Variants in ANK2 observed in about 807,000 individuals in gnomAD.
The protein encoded by ANK2 is ankyrin 2, also known as ankyrin-2.
ANK2 carries 83 observed loss-of-function variants against 360.5 expected under a neutral mutation model. The ratio of observed to expected loss-of-function variants is 0.23; its 90% confidence interval spans 0.19 to 0.28. The LOEUF is 0.28. ANK2 is among the 10% of genes least tolerant of loss of function. The pLI is 1.00. For synonymous variants in ANK2, 1,740 were observed against 1,759.5 expected (o/e 0.99, Z 0.28); for missense variants, 4,201 against 4,795.7 (o/e 0.88, Z 3.66).
At chr4:113,065,782 G>T (rs892076323) in intron 1 of ANK2, among the ~76,000 whole-genome samples, 13 of 152,112 alleles carry the variant, frequency 8.5e-5, no homozygotes, top group African/African-American at 2.7e-4. Flanking sequence ...CATCAAGTGG[G>T]GTACTGAGCT....
chr4:113,274,353 A>C, intron 14 of ANK2, 99 bp from the exon 15 acceptor site: 1 of 1,349,658 alleles, frequency 7.4e-7, no homozygotes, highest in Non-Finnish European at 1.1e-6. Context: ...TGGGGTTCCT[A>C]GAGATTCCAA....
chr4:113,064,179 A>T (rs1554086086), intron 1 of ANK2, among the ~76,000 whole-genome samples: 1 of 152,036 alleles, frequency 6.6e-6, no homozygotes, highest in Non-Finnish European at 1.5e-5. Context: ...TAGTAGAGAA[A>T]TTTTTCCTCA....
In ANK2 at chr4:113,358,367, C is replaced by A; in HGVS notation, c.9749C>A (p.Pro3250Gln). 3 of 1,614,096 alleles carry A rather than the reference C, an allele frequency of 1.9e-6. No homozygotes were observed. The highest frequency in any genetic ancestry group is 2.5e-6 in the Non-Finnish European group (3 of 1,179,970). Reference protein sequence around the residue: ...KQISCPDSSEPAVQVQLDFST... With the variant: ...KQISCPDSSEQAVQVQLDFST... ...ATATCCTGCCCCGACTCTTCTGAAC[C>A]AGCTGTACAAGTCCAGTTAGATTTT... Residue 3250 changes from proline (P) to glutamine (Q), a missense_variant, in exon 38 of 46, where the codon CCA becomes CAA. Physicochemically the swap from Pro to Gln is moderately conservative, Grantham distance 76 (BLOSUM62 -1). This residue lies in a region of ANK2 where 2,642 missense variants were observed against 2,714.5 expected (regional missense o/e 0.97). Transcript: ENST00000357077.
At chr4:113,071,791 A>G (rs639486) in intron 1 of ANK2, 2,899 of 152,902 alleles carry the variant, frequency 0.019, 84 homozygotes, top group African/African-American at 0.066. Flanking sequence ...ATAAAGACAT[A>G]CCCGAGACTG....
intron 2 of ANK2, among the ~76,000 whole-genome samples, chr4:112,968,375 A>C (rs13146876): frequency 0.34 from 52,062 of 151,836 alleles, 9,732 homozygotes; most frequent in African/African-American, 0.5. Flanking sequence ...ATCTCATCTC[A>C]CCTATGCCAC....
intron 2 of ANK2, among the ~76,000 whole-genome samples, chr4:112,950,830 C>A (rs1258747604): frequency 5.3e-5 from 8 of 150,582 alleles, no homozygotes; most frequent in Non-Finnish European, 8.9e-5. Flanking sequence ...CGCCTGTAAT[C>A]CCAGCACTTT....
chr4:112,831,825 G>A (rs2059810917), intron 1 of ANK2, among the ~76,000 whole-genome samples: 1 of 152,110 alleles, frequency 6.6e-6, no homozygotes, highest in African/African-American at 2.4e-5. Flanking sequence ...GAACTCACTG[G>A]GAGGAATGAA....
chr4:113,176,594 A>G (rs1203105679), intron 2 of ANK2, among the ~76,000 whole-genome samples: 1 of 151,962 alleles, frequency 6.6e-6, no homozygotes, highest in Non-Finnish European at 1.5e-5. Flanking sequence ...ATGAAGTTGA[A>G]TATGAAATAT....
At chr4:112,866,749 A>G (rs2070720178) in intron 1 of ANK2, among the ~76,000 whole-genome samples, 1 of 152,020 alleles carries the variant, frequency 6.6e-6, no homozygotes. Context: ...ATTTTTTCTT[A>G]GAAGTGATTT....
intron 1 of ANK2, among the ~76,000 whole-genome samples, chr4:113,103,329 T>G (rs1011169795): frequency 6.6e-6 from 1 of 152,158 alleles, no homozygotes; most frequent in South Asian, 2.1e-4. Flanking sequence ...AAGAAAAGCC[T>G]TGGCATTAAA....
At chr4:112,891,182 C>G (rs2079921770) in intron 1 of ANK2, among the ~76,000 whole-genome samples, 1 of 152,184 alleles carries the variant, frequency 6.6e-6, no homozygotes, top group Admixed American at 6.5e-5. Context: ...TGCCACGTAA[C>G]TAGCAGTAGC....
intron 1 of ANK2, among the ~76,000 whole-genome samples, chr4:112,895,079 C>G (rs1392577284): frequency 6.6e-6 from 1 of 152,200 alleles, no homozygotes; most frequent in African/African-American, 2.4e-5. Flanking sequence ...AGAGATGAAG[C>G]ACCAATGTGC....
chr4:113,156,999 T>G (rs1288055820), intron 1 of ANK2, among the ~76,000 whole-genome samples: 1 of 151,976 alleles, frequency 6.6e-6, no homozygotes, highest in Non-Finnish European at 1.5e-5. Context: ...TGAAAGGGCA[T>G]AGACATTTTG....
chr4:112,877,104 A>T (rs1295817461), intron 1 of ANK2, among the ~76,000 whole-genome samples: 1 of 152,078 alleles, frequency 6.6e-6, no homozygotes, highest in East Asian at 1.9e-4. Context: ...AGTTTCAGGG[A>T]TTAGGTGTTC....
the ANK2 span, among the ~76,000 whole-genome samples, chr4:112,780,386 A>G: frequency 3.1e-4 from 47 of 152,334 alleles, no homozygotes; most frequent in African/African-American, 1.0e-3. Context: ...TTTTGTTTCA[A>G]TTAGACCAAG....
intron 13 of ANK2, among the ~76,000 whole-genome samples, chr4:113,259,111 C>A (rs756551708): frequency 2.0e-5 from 3 of 152,174 alleles, no homozygotes; most frequent in Non-Finnish European, 4.4e-5. Flanking sequence ...ATTTTCACTT[C>A]TAATTTCTTT....
intron 45 of ANK2, among the ~76,000 whole-genome samples, chr4:113,378,456 A>C (rs2097041633): frequency 6.6e-6 from 1 of 152,236 alleles, no homozygotes; most frequent in Non-Finnish European, 1.5e-5. Flanking sequence ...CCATCAACTT[A>C]GTTGAAGCCA....
At chr4:113,262,245 A>G (rs568727125) in intron 13 of ANK2, among the ~76,000 whole-genome samples, 1 of 152,218 alleles carries the variant, frequency 6.6e-6, no homozygotes, top group Admixed American at 6.5e-5. Context: ...TGTTTTTCTG[A>G]GACACGACCT....
chr4:112,826,696 A>G, intron 1 of ANK2: 6 of 886,456 alleles, frequency 6.8e-6, no homozygotes, highest in Non-Finnish European at 1.1e-5. Flanking sequence ...AAATCTGGAT[A>G]GAAGACAATG....
Sources: gnomAD v4.1 joint callset for allele counts (sites outside exome capture counted in the v4.1 genomes callset) on GRCh38, gnomAD v4.1.1 for gene constraint, gnomAD v4.1.1 regional missense constraint, MANE v1.5 for transcripts, NCBI Gene and HGNC (gene_info 2026-07-23, HGNC 2026-07-21) for gene names.